Variants in CUBN observed in about 807,000 individuals in gnomAD.
CUBN encodes the protein cubilin.
A neutral mutation model predicts 405.3 loss-of-function variants in CUBN; 282 were observed. The observed-to-expected ratio is 0.70, with a 90% CI of 0.63 to 0.77. The LOEUF (loss-of-function observed/expected upper bound fraction) is 0.77, where lower values mean the gene tolerates loss of function less well. Ranked by LOEUF, CUBN falls within the 30% of genes least tolerant of loss-of-function variation. CUBN has a pLI of 0.00. For missense variants in CUBN, 4,514 were observed against 4,475.2 expected (o/e 1.01, Z -0.25); for synonymous variants, 1,684 against 1,617.0 (o/e 1.04, Z -0.99).
chr10:17,113,512 C>T (rs1000410286), intron 8 of CUBN, among the ~76,000 whole-genome samples: 3 of 152,100 alleles, frequency 2.0e-5, no homozygotes, highest in Non-Finnish European at 4.4e-5. Context: ...CTTTGACTAA[C>T]GGAGCCCATG....
chr10:16,978,351 T>C (rs3012498), intron 31 of CUBN, among the ~76,000 whole-genome samples: 132,383 of 152,224 alleles, frequency 0.87, 58,360 homozygotes, highest in Non-Finnish European at 0.96. Context: ...TCATGAACCA[T>C]TGGCTACTTT....
intron 33 of CUBN, among the ~76,000 whole-genome samples, chr10:16,951,482 CATT>C (rs1842920071): frequency 6.6e-6 from 1 of 152,170 alleles, no homozygotes; most frequent in Non-Finnish European, 1.5e-5. Flanking sequence ...GACTTTCCTA[CATT>C]ATGCCTGAAA....
intron 22 of CUBN, 57 bp from the exon 23 acceptor site, chr10:17,047,660 T>A (rs931699965): frequency 5.4e-5 from 77 of 1,423,332 alleles, no homozygotes; most frequent in Admixed American, 2.2e-4. Flanking sequence ...ATGTTTATAA[T>A]ACATCCAGTA....
intron 34 of CUBN, among the ~76,000 whole-genome samples, chr10:16,948,939 C>T (rs939230977): frequency 6.6e-5 from 10 of 152,110 alleles, no homozygotes; most frequent in Admixed American, 2.0e-4. Context: ...CACTAATATC[C>T]ACTATTTTGT....
At chr10:16,951,251 T>G (rs1416457091) in intron 33 of CUBN, among the ~76,000 whole-genome samples, 2 of 152,182 alleles carry the variant, frequency 1.3e-5, no homozygotes, top group Non-Finnish European at 2.9e-5. Flanking sequence ...CACCTCCCCG[T>G]TTGAATTGGC....
At chr10:17,099,928 C>A in intron 14 of CUBN, 77 bp downstream of exon 14, 1 of 866,414 alleles carries the variant, frequency 1.2e-6, no homozygotes, top group Non-Finnish European at 2.0e-6. Context: ...TCTCATGTAT[C>A]CAAAAGTCTA....
intron 33 of CUBN, among the ~76,000 whole-genome samples, chr10:16,951,644 T>A (rs1000574116): frequency 6.6e-6 from 1 of 152,118 alleles, no homozygotes; most frequent in African/African-American, 2.4e-5. Context: ...AGGACAGAAG[T>A]CCTTACCATC....
intron 28 of CUBN, among the ~76,000 whole-genome samples, chr10:16,999,732 A>G (rs1244565888): frequency 6.6e-6 from 1 of 152,224 alleles, no homozygotes; most frequent in African/African-American, 2.4e-5. Context: ...TCCAAGTTCA[A>G]CAGTCATACT....
intron 63 of CUBN, 35 bp from the exon 64 acceptor site, chr10:16,835,230 T>C (rs937430832): frequency 1.3e-6 from 2 of 1,513,786 alleles, no homozygotes; most frequent in Non-Finnish European, 1.8e-6. Flanking sequence ...AATGTACGCA[T>C]TCCAATATTT....
intron 16 of CUBN, 83 bp from the exon 17 acceptor site, chr10:17,084,544 ACC>A: frequency 9.9e-7 from 1 of 1,011,400 alleles, no homozygotes. Context: ...CTAAAAATTT[ACC>A]CACACACACA....
intron 59 of CUBN, among the ~76,000 whole-genome samples, chr10:16,855,034 CTCTA>C (rs1442412153): frequency 7.4e-6 from 1 of 135,980 alleles, no homozygotes; most frequent in East Asian, 2.3e-4. Context: ...CTCTCTTTCT[CTCTA>C]TCTCTCTTCC....
rs567972204 is a variant in CUBN, at chr10:16,860,996, T to G, written c.9454+8640A>C. Among the ~76,000 whole-genome samples, 13 of 152,304 alleles carry G rather than the reference T, an allele frequency of 8.5e-5. No individual in the cohort carries two copies. The South Asian group carries it at 2.5e-3, about 29-fold the overall frequency. ...TTTGCACATGATACAGAGCCCTCCA[T>G]GCCTGGCCTTTGCATATCTCTCCTC... is the stretch of plus-strand genomic sequence containing the variant. On this transcript the variant is annotated intron_variant, in intron 59 of 66. Coordinates refer to ENST00000377833, the MANE Select transcript of CUBN (RefSeq NM_001081.4).
intron 17 of CUBN, among the ~76,000 whole-genome samples, chr10:17,083,360 C>G (rs1836014085): frequency 6.6e-6 from 1 of 152,014 alleles, no homozygotes. Flanking sequence ...GCAAAATTAG[C>G]CGGGCGTGGT....
chr10:16,925,553 TG>T (rs1398938441), intron 42 of CUBN, 30 bp downstream of exon 42: 1 of 1,612,956 alleles, frequency 6.2e-7, no homozygotes, highest in African/African-American at 1.3e-5. Flanking sequence ...CTATGGAAAA[TG>T]TAATTAGAAA....
chr10:17,052,786 A>AGAG (rs1461820902), intron 22 of CUBN, among the ~76,000 whole-genome samples: 1 of 110,938 alleles, frequency 9.0e-6, no homozygotes, highest in African/African-American at 3.7e-5. Flanking sequence ...AAAAAAAAAA[A>AGAG]AGAGAGAGAG....
intron 59 of CUBN, among the ~76,000 whole-genome samples, chr10:16,857,125 A>G (rs796830030): frequency 7.9e-5 from 12 of 152,302 alleles, no homozygotes; most frequent in African/African-American, 2.6e-4. Context: ...CTAATCTCCA[A>G]TGTGTACAAT....
intron 9 of CUBN, 78 bp from the exon 10 acceptor site, chr10:17,109,813 T>G (rs192500533): frequency 2.7e-6 from 3 of 1,121,970 alleles, no homozygotes; most frequent in African/African-American, 1.5e-5. Flanking sequence ...GATTCAAATA[T>G]CATGAAATGG....
intron 48 of CUBN, among the ~76,000 whole-genome samples, chr10:16,912,259 C>A (rs1267198072): frequency 6.6e-6 from 1 of 152,120 alleles, no homozygotes; most frequent in Non-Finnish European, 1.5e-5. Context: ...AATTCACTAC[C>A]CAACAGGAGA....
chr10:16,946,880 T>A (rs554625792), intron 36 of CUBN, among the ~76,000 whole-genome samples: 6 of 152,138 alleles, frequency 3.9e-5, no homozygotes, highest in Non-Finnish European at 7.4e-5. Flanking sequence ...TTAATTGAGA[T>A]GGGAGGGCTC....
Sources: allele counts gnomAD v4.1 joint callset (sites outside exome capture counted in the v4.1 genomes callset), GRCh38; gene constraint gnomAD v4.1.1; transcripts MANE v1.5; gene names NCBI Gene and HGNC (gene_info 2026-07-23, HGNC 2026-07-21).